The following ASAP1 variants were observed in gnomAD, a reference collection of about 807,000 sequenced individuals.
ASAP1 encodes ArfGAP with SH3 domain, ankyrin repeat and PH domain 1, also known as arf-GAP with SH3 domain, ANK repeat and PH domain-containing protein 1.
A neutral mutation model predicts 145.2 loss-of-function variants in ASAP1; 43 were observed. That is an observed-to-expected ratio of 0.30 (90% CI 0.23 to 0.38). The LOEUF (loss-of-function observed/expected upper bound fraction) is 0.38, where lower values mean the gene tolerates loss of function less well. Among genes scored for constraint, ASAP1 ranks in the 10% least tolerant of loss-of-function variants. The probability of loss-of-function intolerance (pLI) is 1.00; values close to 1 mark genes in which losing one functional copy is unlikely to be tolerated. For missense variants in ASAP1, 1,018 were observed against 1,355.3 expected, an observed-to-expected ratio of 0.75 and a Z score of 3.91; for synonymous variants, 546 against 515.5, an observed-to-expected ratio of 1.06 and a Z score of -0.80.
chr8:130,322,881 G>A (rs1484147807), intron 3 of ASAP1, among the ~76,000 whole-genome samples: 2 of 152,222 alleles, frequency 1.3e-5, no homozygotes, highest in Non-Finnish European at 2.9e-5. Flanking sequence ...AGGCCAGGGA[G>A]ACGCAGAAGG....
chr8:130,057,379 A>C (rs912754123), intron 29 of ASAP1, among the ~76,000 whole-genome samples: 3 of 152,200 alleles, frequency 2.0e-5, no homozygotes, highest in African/African-American at 7.2e-5. Flanking sequence ...ACAACTCACA[A>C]GGTTACATGA....
chr8:130,089,060 T>G (rs1476078086), intron 25 of ASAP1, among the ~76,000 whole-genome samples: 2 of 152,134 alleles, frequency 1.3e-5, no homozygotes, highest in African/African-American at 4.8e-5. Context: ...GGAGTTCATG[T>G]ACTAGGAAAG....
chr8:130,094,025 T>C (rs1592784443), intron 24 of ASAP1, among the ~76,000 whole-genome samples: 2 of 152,318 alleles, frequency 1.3e-5, no homozygotes, highest in East Asian at 3.9e-4. Flanking sequence ...TATTACACAA[T>C]GGAAGCCTGA....
At chr8:130,315,754 A>G (rs1823628287) in intron 3 of ASAP1, among the ~76,000 whole-genome samples, 1 of 152,208 alleles carries the variant, frequency 6.6e-6, no homozygotes, top group South Asian at 2.1e-4. Context: ...TGGCGTACAG[A>G]GGAAATTGGA....
chr8:130,061,237 T>C (rs1022136622), intron 27 of ASAP1, among the ~76,000 whole-genome samples, 168 bp from the exon 28 acceptor site: 9 of 152,126 alleles, frequency 5.9e-5, no homozygotes, highest in African/African-American at 1.7e-4. Context: ...AAGACAAAGT[T>C]TGAAAGCCTG....
chr8:130,118,130 G>C, intron 20 of ASAP1, 31 bp downstream of exon 20: 2 of 1,578,880 alleles, frequency 1.3e-6, no homozygotes, highest in South Asian at 2.2e-5. Flanking sequence ...GGCATATTCA[G>C]GTAATTCAAC....
chr8:130,432,555 C>T (rs915494286), intron 1 of ASAP1, among the ~76,000 whole-genome samples: 2 of 152,076 alleles, frequency 1.3e-5, no homozygotes, highest in South Asian at 2.1e-4. Flanking sequence ...TAACAGAAAA[C>T]TCCCATCAGA....
chr8:130,394,314 C>T (rs1022709521), intron 2 of ASAP1, among the ~76,000 whole-genome samples: 2 of 152,082 alleles, frequency 1.3e-5, no homozygotes, highest in African/African-American at 4.8e-5. Context: ...CTGAAATGGC[C>T]CCCTTGGGTG....
At chr8:130,082,666 G>GTTAATT (rs1213581662) in intron 25 of ASAP1, 1 of 141,788 alleles carries the variant, frequency 7.1e-6, no homozygotes, top group African/African-American at 2.9e-5. Flanking sequence ...ACCATGCCTG[G>GTTAATT]TTAATTTTAA....
chr8:130,096,058 A>AC (rs2097517143), intron 24 of ASAP1, among the ~76,000 whole-genome samples: 1 of 152,220 alleles, frequency 6.6e-6, no homozygotes, highest in East Asian at 1.9e-4. Context: ...TGGAAAACAA[A>AC]CACACAGACA....
Position 130,072,824 on chromosome 8 carries a change from T to TGC in ASAP1, c.2701+3522_2701+3523dup, listed in dbSNP as rs71303498. Among the ~76,000 whole-genome samples the TGC allele has an allele frequency of 6.2e-4, 20 of 32,300 alleles. 1 individual carries two copies. Among genetic ancestry groups the TGC allele is most frequent in the African/African-American group, 1.3e-3 (11 of 8,190 alleles). The allele number at this position is 32,300 out of a possible 152,430, so 21.2% of individuals were successfully genotyped here. A position where few individuals can be genotyped will look rare whatever the true frequency, so the allele number is the denominator to read the frequency against. Reference sequence around the variant, plus strand: ...GTGTGTGTGTGTGTGTGTGTGTGTGTGCGCGCGGGGGGGGGCAGTTTTGGG... The same window carrying TGC: ...GTGTGTGTGTGTGTGTGTGTGTGTGTGCGCGCGCGGGGGGGGGCAGTTTTGGG... On this transcript the variant is annotated intron_variant, in intron 27 of 29. Coordinates refer to ENST00000518721, the MANE Select transcript of ASAP1 (RefSeq NM_018482.4).
In ASAP1 at chr8:130,108,757, G is replaced by GTTT. The variant is rs10568607; in HGVS notation, c.2401+3334_2401+3336dup. ...TAATCTTGGCAAGCCTCAAAAACCA[G>GTTT]TTTTTTTTTTTTTTTTTTTTTTTTT... On this transcript the variant is annotated intron_variant, in intron 24 of 29. Coordinates refer to ENST00000518721, the MANE Select transcript of ASAP1 (RefSeq NM_018482.4). Among the ~76,000 whole-genome samples the GTTT allele has an allele frequency of 3.0e-3, 157 of 51,546 alleles. 6 individuals carry two copies. The highest frequency in any genetic ancestry group is 4.8e-3 in the African/African-American group (58 of 12,036). 33.8% of individuals were successfully genotyped at this position (51,546 alleles called of 152,430 possible).
chr8:130,137,462 T>TA, intron 13 of ASAP1, among the ~76,000 whole-genome samples: 1 of 152,210 alleles, frequency 6.6e-6, no homozygotes, highest in Non-Finnish European at 1.5e-5. Flanking sequence ...TACCCATAAC[T>TA]AAGCACCAAC....
chr8:130,071,007 G>A lies in ASAP1; in HGVS notation c.2701+5341C>T, dbSNP rs1430944575. 3.5e-3 allele frequency among the ~76,000 whole-genome samples: 16 copies of A among 4,620 alleles called. 6 individuals carry two copies. Among genetic ancestry groups the A allele is most frequent in the African/African-American group, 0.034 (15 of 442 alleles). The allele number at this position is 4,620 out of a possible 152,430, so 3.0% of individuals were successfully genotyped here. A position where few individuals can be genotyped will look rare whatever the true frequency, so the allele number is the denominator to read the frequency against. On this transcript the variant is annotated intron_variant, in intron 27 of 29. Coordinates refer to ENST00000518721, the MANE Select transcript of ASAP1 (RefSeq NM_018482.4). ...GGGGAGAGAGAGAGAGAGAGGGGAG[G>A]GGGGGAGAGAGAGAGAGAGAGAGAG...
intron 3 of ASAP1, among the ~76,000 whole-genome samples, chr8:130,301,541 A>T (rs1289343516): frequency 1.3e-5 from 2 of 152,246 alleles, no homozygotes; most frequent in East Asian, 3.8e-4. Context: ...CTATCTGAAT[A>T]ATCATGGCAG....
chr8:130,078,578 C>T (rs2097470205), intron 26 of ASAP1, among the ~76,000 whole-genome samples: 2 of 152,124 alleles, frequency 1.3e-5, no homozygotes, highest in South Asian at 2.1e-4. Flanking sequence ...GCCACTGTGT[C>T]CAGCCTTTAA....
At chr8:130,243,386 C>T (rs1013889516) in intron 3 of ASAP1, among the ~76,000 whole-genome samples, 1 of 152,104 alleles carries the variant, frequency 6.6e-6, no homozygotes, top group African/African-American at 2.4e-5. Context: ...TATTTCTTCA[C>T]ATAGAAGATG....
intron 3 of ASAP1, among the ~76,000 whole-genome samples, chr8:130,331,309 G>A (rs1824674271): frequency 6.6e-6 from 1 of 152,176 alleles, no homozygotes; most frequent in African/African-American, 2.4e-5. Context: ...TCTGAACCAT[G>A]ATGGAACTGC....
At chr8:130,118,112 A>C in intron 20 of ASAP1, 49 bp downstream of exon 20, 1 of 1,519,338 alleles carries the variant, frequency 6.6e-7, no homozygotes, top group Non-Finnish European at 9.1e-7. Context: ...GTTTGTGTTA[A>C]TTTATAAGGC....
Sources: allele counts gnomAD v4.1 joint callset (sites outside exome capture counted in the v4.1 genomes callset), GRCh38; gene constraint gnomAD v4.1.1; transcripts MANE v1.5; gene names NCBI Gene and HGNC (gene_info 2026-07-23, HGNC 2026-07-21).